Variants in TRIM69 observed in about 807,000 individuals in gnomAD.
TRIM69 encodes the protein tripartite motif containing 69.
TRIM69 carries 29 observed loss-of-function variants against 37.7 expected under a neutral mutation model. The observed-to-expected ratio is 0.77, with a 90% CI of 0.57 to 1.05. The LOEUF (loss-of-function observed/expected upper bound fraction) is 1.05. TRIM69 is among the 50% of genes least tolerant of loss of function. The pLI is 0.00. For synonymous variants in TRIM69, 209 were observed against 212.4 expected (o/e 0.98, Z 0.14); for missense variants, 596 against 579.9 (o/e 1.03, Z -0.28).
chr15:44,753,965 CT>C (rs1447639041), intron 1 of TRIM69: 1 of 152,204 alleles, frequency 6.6e-6, no homozygotes, highest in African/African-American at 2.4e-5. Flanking sequence ...GTCCACCTGC[CT>C]CGGCACCCCA....
chr15:44,743,828 A>C (rs142258616), intron 1 of TRIM69, among the ~76,000 whole-genome samples: 17 of 152,362 alleles, frequency 1.1e-4, no homozygotes, highest in Non-Finnish European at 2.4e-4. Context: ...GAGGATGTGG[A>C]TAAATAGGAA....
Position 44,762,606 on chromosome 15 carries a change from G to A in TRIM69, c.961+2734G>A, listed in dbSNP as rs575002885. On this transcript the variant is annotated intron_variant, in intron 6 of 6. Coordinates refer to ENST00000329464, the MANE Select transcript of TRIM69 (RefSeq NM_182985.5). ...TTAAATGGTTTCTATTGTTATTCAA[G>A]TTCTCATCTTTTCTTCTGCATGGTC... is the stretch of plus-strand genomic sequence containing the variant. Among the ~76,000 whole-genome samples the A allele has an allele frequency of 4.6e-5, 7 of 151,874 alleles. No homozygotes were observed. In the South Asian group the frequency reaches 1.0e-3, roughly 23 times the overall value.
rs1245474569 is a variant in TRIM69 at position 44,743,675 on chromosome 15, G to C, written c.6+6965G>C. Among the ~76,000 whole-genome samples the C allele has an allele frequency of 1.3e-5, 2 of 152,210 alleles. 1 individual carries two copies. The highest frequency in any genetic ancestry group is 3.8e-4 in the East Asian group (2 of 5,198). On this transcript the variant is annotated intron_variant, in intron 1 of 6. Transcript: ENST00000329464. ...GGACATGAACAGACACTTCTCAGAA[G>C]ACATTTATGCAGCCAAAATCACATG...
chr15:44,738,276 AC>A (rs1191417300), intron 1 of TRIM69, among the ~76,000 whole-genome samples: 1 of 144,860 alleles, frequency 6.9e-6, no homozygotes, highest in Admixed American at 7.0e-5. Context: ...TCACCATGTT[AC>A]CCAGGCTTGT....
chr15:44,746,965 G>A (rs991629172), intron 1 of TRIM69, among the ~76,000 whole-genome samples: 4 of 152,130 alleles, frequency 2.6e-5, no homozygotes, highest in African/African-American at 9.7e-5. Flanking sequence ...CAAATAGCTT[G>A]GACTACAATC....
intron 4 of TRIM69, among the ~76,000 whole-genome samples, 172 bp from the exon 5 acceptor site, chr15:44,759,468 C>A (rs2087726034): frequency 6.6e-6 from 1 of 152,162 alleles, no homozygotes. Flanking sequence ...ATCAATTTAA[C>A]CTGGGTTAGG....
At chr15:44,740,114 C>T (rs964599886) in intron 1 of TRIM69, among the ~76,000 whole-genome samples, 1 of 152,226 alleles carries the variant, frequency 6.6e-6, no homozygotes, top group Non-Finnish European at 1.5e-5. Flanking sequence ...GATACCCAGG[C>T]AAACAGGGTC....
intron 1 of TRIM69, among the ~76,000 whole-genome samples, chr15:44,750,135 G>A (rs1370139859): frequency 6.6e-6 from 1 of 152,094 alleles, no homozygotes; most frequent in Admixed American, 6.5e-5. Flanking sequence ...ACCTTATCTG[G>A]TATAGGATTT....
intron 6 of TRIM69, among the ~76,000 whole-genome samples, chr15:44,763,858 C>T (rs2087831485): frequency 6.6e-6 from 1 of 152,136 alleles, no homozygotes; most frequent in Admixed American, 6.5e-5. Flanking sequence ...GCTAACTTAG[C>T]CCATTTTCTA....
intron 6 of TRIM69, among the ~76,000 whole-genome samples, chr15:44,766,542 A>G (rs936235762): frequency 6.6e-6 from 1 of 151,974 alleles, no homozygotes; most frequent in African/African-American, 2.4e-5. Flanking sequence ...TCTCATGTAT[A>G]TACAACTGAA....
At chr15:44,760,280 G>A (rs1417131753) in intron 6 of TRIM69, among the ~76,000 whole-genome samples, 1 of 152,076 alleles carries the variant, frequency 6.6e-6, no homozygotes, top group African/African-American at 2.4e-5. Context: ...TCATAGCGTA[G>A]AACATTTTAG....
Position 44,767,311 on chromosome 15 carries a change from G to T in TRIM69, c.1042G>T (p.Gly348Cys). ...CAAAAGCCAAACCAGCGTCTGGCAT[G>T]GTGACATTAAGAAGATAATGCCTGA... is the stretch of plus-strand genomic sequence containing the variant. ...LSKSQTSVWH[G>C]DIKKIMPDDP... is the part of the protein sequence containing the mutation. Residue 348 changes from glycine to cysteine, a missense_variant, in exon 7 of 7, where the codon GGT (glycine) becomes TGT (cysteine). Physicochemically the swap from Gly to Cys is radical, Grantham distance 159. Transcript: ENST00000329464. The T allele has an allele frequency of 1.2e-6, 2 of 1,614,052 alleles. No homozygotes were observed. The highest frequency in any genetic ancestry group is 1.7e-6 in the Non-Finnish European group (2 of 1,180,020).
intron 6 of TRIM69, among the ~76,000 whole-genome samples, chr15:44,763,116 A>T (rs1013984138): frequency 6.6e-6 from 1 of 152,102 alleles, no homozygotes; most frequent in Non-Finnish European, 1.5e-5. Context: ...TTTTTACCTA[A>T]TGTCATTTTT....
In TRIM69 at chr15:44,755,150, A is replaced by G. The variant is rs1338036490; in HGVS notation, c.257A>G (p.Gln86Arg). The change falls in exon 2 of 7, where the codon CAG becomes CGG. Residue 86 changes from glutamine (Q) to arginine (R), a missense_variant. Coordinates refer to ENST00000329464, the MANE Select transcript of TRIM69 (RefSeq NM_182985.5). ...TFCPECKMLC[Q>R]YNNCTFNPVL... ...TGTCCTGAGTGTAAGATGCTATGTC[A>G]GTATAACAACTGTACATTCAACCCT... 1 of 1,614,114 alleles carries G rather than the reference A, an allele frequency of 6.2e-7. No individual in the cohort carries two copies. Among genetic ancestry groups the G allele is most frequent in the East Asian group, 2.2e-5 (1 of 44,900 alleles).
chr15:44,766,262 G>A (rs1489172759), intron 6 of TRIM69, among the ~76,000 whole-genome samples: 1 of 151,972 alleles, frequency 6.6e-6, no homozygotes, highest in Non-Finnish European at 1.5e-5. Flanking sequence ...AAAGTTTACT[G>A]TTAATTTCTA....
At chr15:44,738,451 C>G (rs150085244) in intron 1 of TRIM69, among the ~76,000 whole-genome samples, 57 of 152,292 alleles carry the variant, frequency 3.7e-4, no homozygotes, top group African/African-American at 1.3e-3. Flanking sequence ...TCGAGTTTCT[C>G]TCTCTCTGCC....
chr15:44,752,159 G>A (rs1160106982), intron 1 of TRIM69, among the ~76,000 whole-genome samples: 2 of 152,034 alleles, frequency 1.3e-5, no homozygotes, highest in Non-Finnish European at 2.9e-5. Context: ...ACATATTTAT[G>A]AATTTTCCAG....
Position 44,740,006 on chromosome 15 carries a change from C to T in TRIM69, c.6+3296C>T, listed in dbSNP as rs549646524. Among the ~76,000 whole-genome samples the T allele has an allele frequency of 1.4e-4, 22 of 152,254 alleles. No homozygotes were observed. In the East Asian group the frequency reaches 3.9e-3, roughly 27 times the overall value. On this transcript the variant is annotated intron_variant, in intron 1 of 6. Coordinates refer to ENST00000329464, the MANE Select transcript of TRIM69 (RefSeq NM_182985.5). ...CAAGTAGGGGCAGACTGACACCTCA[C>T]ATGGCCGGGTACTCCTCTGAGACAA...
rs766265248 is a variant in TRIM69 at position 44,755,002 on chromosome 15, A to C, written c.109A>C (p.Met37Leu). ...PSKVVIQDIT[M>L]ELHCPLCNDW... ...TAAAGTGGTGATACAAGATATTACT[A>C]TGGAGCTACACTGCCCTCTGTGCAA... Residue 37 changes from methionine (M) to leucine (L), a missense_variant, in exon 2 of 7, where the codon ATG (methionine) becomes CTG (leucine). By Grantham distance (15) the Met-to-Leu change is conservative. Transcript: ENST00000329464. 1.9e-6 allele frequency: 3 copies of C among 1,614,162 alleles called. No individual in the cohort carries two copies. The highest frequency in any genetic ancestry group is 2.5e-6 in the Non-Finnish European group (3 of 1,179,992).
Sources: gnomAD v4.1 joint callset for allele counts (sites outside exome capture counted in the v4.1 genomes callset) on GRCh38, gnomAD v4.1.1 for gene constraint, MANE v1.5 for transcripts, NCBI Gene and HGNC (gene_info 2026-07-23, HGNC 2026-07-21) for gene names.